The following SEMA3A variants were observed in gnomAD, a reference collection of about 807,000 sequenced individuals.
SEMA3A encodes the protein semaphorin-3A.
SEMA3A carries 29 observed loss-of-function variants against 97.9 expected under a neutral mutation model. The ratio of observed to expected loss-of-function variants is 0.30; its 90% confidence interval spans 0.22 to 0.40. The LOEUF (loss-of-function observed/expected upper bound fraction) is 0.40, where lower values mean the gene tolerates loss of function less well. SEMA3A is among the 10% of genes least tolerant of loss of function. SEMA3A has a pLI of 1.00. For missense variants in SEMA3A, 763 were observed against 951.3 expected (o/e 0.80, Z 2.60); for synonymous variants, 321 against 323.7 (o/e 0.99, Z 0.09).
chr7:84,195,368 T>C (rs1798197572), upstream of SEMA3A: 1 of 152,122 alleles, frequency 6.6e-6, no homozygotes, highest in South Asian at 2.1e-4. Context: ...ACCTACAAAA[T>C]TTACAATTCA....
intron 3 of SEMA3A, among the ~76,000 whole-genome samples, chr7:84,215,470 G>A (rs748107932): frequency 3.3e-5 from 5 of 152,178 alleles, no homozygotes; most frequent in African/African-American, 9.7e-5. Context: ...GATTATAGGC[G>A]TGAGCCTCTG....
intron 1 of SEMA3A, among the ~76,000 whole-genome samples, chr7:84,476,307 C>T (rs1389268541): frequency 2.7e-5 from 4 of 148,984 alleles, no homozygotes; most frequent in Non-Finnish European, 4.4e-5. Flanking sequence ...TGCAGTGAGC[C>T]GAGATCGCAC....
chr7:84,054,603 T>C (rs1792861840), intron 5 of SEMA3A, among the ~76,000 whole-genome samples: 1 of 142,268 alleles, frequency 7.0e-6, no homozygotes. Flanking sequence ...TTATACATTC[T>C]TCTAAATTTT....
intron 2 of SEMA3A, among the ~76,000 whole-genome samples, chr7:84,355,656 A>G (rs1471857271): frequency 6.6e-6 from 1 of 151,868 alleles, no homozygotes; most frequent in Non-Finnish European, 1.5e-5. Flanking sequence ...CTCATCAGTA[A>G]TTTCTCAGTC....
chr7:84,336,073 A>C (rs1425043391), intron 2 of SEMA3A, among the ~76,000 whole-genome samples: 2 of 152,170 alleles, frequency 1.3e-5, no homozygotes, highest in Non-Finnish European at 2.9e-5. Flanking sequence ...CAGTAACAGC[A>C]TGATCTTCTT....
At chr7:84,070,727 T>C (rs1793709621) in intron 4 of SEMA3A, among the ~76,000 whole-genome samples, 2 of 152,012 alleles carry the variant, frequency 1.3e-5, no homozygotes, top group Admixed American at 6.6e-5. Flanking sequence ...TATTGAATAT[T>C]CCCCTGGTCA....
intron 5 of SEMA3A, among the ~76,000 whole-genome samples, chr7:84,057,657 C>G (rs548738784): frequency 4.3e-4 from 65 of 151,864 alleles, no homozygotes; most frequent in African/African-American, 1.5e-3. Flanking sequence ...CTAAGCTACT[C>G]AGGAGGCTGA....
chr7:84,375,858 C>T (rs868246569), intron 1 of SEMA3A, among the ~76,000 whole-genome samples: 2 of 152,118 alleles, frequency 1.3e-5, no homozygotes, highest in Non-Finnish European at 2.9e-5. Flanking sequence ...CTCTACACTT[C>T]CCAGCCTCTA....
chr7:84,030,878 G>A lies in SEMA3A; in HGVS notation c.667+15446C>T, dbSNP rs182345978. On this transcript the variant is annotated intron_variant, in intron 6 of 16. Coordinates refer to ENST00000265362, the MANE Select transcript of SEMA3A (RefSeq NM_006080.3). ...GCACATATTTCATTTTAAATATTAA[G>A]TTAATGAACTGAGCTAAGAAAATTC... Among the ~76,000 whole-genome samples, 924 of 150,892 alleles carry A rather than the reference G, an allele frequency of 6.1e-3. 6 individuals carry two copies. Among genetic ancestry groups the A allele is most frequent in the Middle Eastern group, 0.028 (8 of 290 alleles).
chr7:84,161,883 A>G (rs1264719530), intron 1 of SEMA3A, among the ~76,000 whole-genome samples: 1 of 152,170 alleles, frequency 6.6e-6, no homozygotes, highest in Non-Finnish European at 1.5e-5. Flanking sequence ...AATACTATTA[A>G]TGTTTCATTT....
At chr7:84,062,442 C>T (rs887923238) in intron 4 of SEMA3A, among the ~76,000 whole-genome samples, 1 of 152,208 alleles carries the variant, frequency 6.6e-6, no homozygotes, top group Non-Finnish European at 1.5e-5. Context: ...AGGAACAGCT[C>T]CGGTCTACGG....
At chr7:84,018,681 C>T (rs1791198175) in intron 6 of SEMA3A, among the ~76,000 whole-genome samples, 1 of 152,132 alleles carries the variant, frequency 6.6e-6, no homozygotes, top group Non-Finnish European at 1.5e-5. Flanking sequence ...TTTGCAAAAT[C>T]ACAGGAACAA....
chr7:83,990,356 C>T (rs1327828973), intron 12 of SEMA3A, among the ~76,000 whole-genome samples: 1 of 151,816 alleles, frequency 6.6e-6, no homozygotes, highest in Non-Finnish European at 1.5e-5. Flanking sequence ...GCTTTTGTTG[C>T]CATGGCTTTT....
intron 10 of SEMA3A, among the ~76,000 whole-genome samples, chr7:84,006,848 T>A (rs1790688797): frequency 6.6e-6 from 1 of 152,032 alleles, no homozygotes; most frequent in African/African-American, 2.4e-5. Context: ...TATATATAAA[T>A]ACACACATAT....
At chr7:84,277,221 C>A (rs1393886494) in intron 3 of SEMA3A, among the ~76,000 whole-genome samples, 1 of 151,858 alleles carries the variant, frequency 6.6e-6, no homozygotes, top group Non-Finnish European at 1.5e-5. Context: ...CTTTTTCTTT[C>A]CAGTTGCAAA....
At chr7:84,352,974 A>G (rs1175052409) in intron 2 of SEMA3A, among the ~76,000 whole-genome samples, 3 of 151,970 alleles carry the variant, frequency 2.0e-5, no homozygotes, top group South Asian at 4.1e-4. Flanking sequence ...GTCATCCCTT[A>G]GTATCCATGA....
chr7:84,184,291 G>A (rs1483017516), intron 1 of SEMA3A, among the ~76,000 whole-genome samples: 1 of 152,158 alleles, frequency 6.6e-6, no homozygotes, highest in Non-Finnish European at 1.5e-5. Context: ...ATATTAGAAT[G>A]TGCAAAGGAA....
intron 1 of SEMA3A, among the ~76,000 whole-genome samples, chr7:84,447,097 C>G (rs1805433507): frequency 6.6e-6 from 1 of 152,184 alleles, no homozygotes; most frequent in Non-Finnish European, 1.5e-5. Context: ...GAAGCGAGCC[C>G]AGGCGCCATC....
At chr7:83,984,765 G>T (rs543258426) in intron 13 of SEMA3A, among the ~76,000 whole-genome samples, 1 of 151,996 alleles carries the variant, frequency 6.6e-6, no homozygotes, top group South Asian at 2.1e-4. Context: ...GAAGTGTCTT[G>T]CCAAAGCATC....
Sources: gnomAD v4.1 joint callset for allele counts (sites outside exome capture counted in the v4.1 genomes callset) on GRCh38, gnomAD v4.1.1 for gene constraint, MANE v1.5 for transcripts, NCBI Gene and HGNC (gene_info 2026-07-23, HGNC 2026-07-21) for gene names.